The following SPOCK3 variants were observed in gnomAD, a reference collection of about 807,000 sequenced individuals.
The protein encoded by SPOCK3 is SPARC (osteonectin), cwcv and kazal like domains proteoglycan 3.
SPOCK3 carries 30 observed loss-of-function variants against 56.6 expected under a neutral mutation model. That is an observed-to-expected ratio of 0.53 (90% CI 0.40 to 0.72). The LOEUF is 0.72. Ranked by LOEUF, SPOCK3 falls within the 30% of genes least tolerant of loss-of-function variation. The probability of loss-of-function intolerance (pLI) is 0.00; values close to 1 mark genes in which losing one functional copy is unlikely to be tolerated. For synonymous variants in SPOCK3, 196 were observed against 183.3 expected (o/e 1.07, Z -0.56); for missense variants, 527 against 530.0 (o/e 0.99, Z 0.06).
At chr4:167,205,575 A>AT (rs1261178646) in intron 2 of SPOCK3, among the ~76,000 whole-genome samples, 6 of 86,200 alleles carry the variant, frequency 7.0e-5, no homozygotes, top group African/African-American at 2.8e-4. Flanking sequence ...TTATATATAT[A>AT]ATATAATATA....
At position 166,840,862 on chromosome 4, in the gene SPOCK3, T is replaced by C. The variant is rs150861066; in HGVS notation, c.589+48268A>G. On this transcript the variant is annotated intron_variant, in intron 6 of 10. Transcript: ENST00000357545. The stretch of plus-strand genomic sequence containing the variant: ...GGCGCAATCTCGGGTCACTGCAAGG[T>C]CCGCCTCCCGGGTTCATGCCATTCT... Among the ~76,000 whole-genome samples, 546 of 139,880 alleles carry C rather than the reference T, an allele frequency of 3.9e-3. 4 individuals carry two copies. Among genetic ancestry groups the C allele is most frequent in the African/African-American group, 0.014 (506 of 36,800 alleles). The allele number at this position is 139,880 out of a possible 152,430, so 91.8% of individuals were successfully genotyped here. A position where few individuals can be genotyped will look rare whatever the true frequency, so the allele number is the denominator to read the frequency against.
chr4:166,966,118 C>A (rs898179355), intron 4 of SPOCK3, among the ~76,000 whole-genome samples: 5 of 152,106 alleles, frequency 3.3e-5, no homozygotes, highest in Admixed American at 3.3e-4. Flanking sequence ...GCTTCTTTCA[C>A]TTAGTAATGT....
intron 6 of SPOCK3, among the ~76,000 whole-genome samples, chr4:166,864,705 A>G (rs1027329341): frequency 1.3e-5 from 2 of 152,142 alleles, no homozygotes; most frequent in African/African-American, 4.8e-5. Flanking sequence ...ATTCCTGCAC[A>G]CATACAACCT....
chr4:167,144,399 G>A (rs1434390080), intron 2 of SPOCK3, among the ~76,000 whole-genome samples: 1 of 151,666 alleles, frequency 6.6e-6, no homozygotes, highest in African/African-American at 2.4e-5. Context: ...AATTTCAAGT[G>A]CTTAATGTCT....
chr4:167,093,039 T>G (rs1758839752), intron 2 of SPOCK3, among the ~76,000 whole-genome samples: 1 of 152,194 alleles, frequency 6.6e-6, no homozygotes, highest in Non-Finnish European at 1.5e-5. Context: ...AATGATTAAG[T>G]GGTTAATTTT....
At chr4:166,971,873 G>A (rs751759870) in intron 4 of SPOCK3, among the ~76,000 whole-genome samples, 14 of 152,040 alleles carry the variant, frequency 9.2e-5, no homozygotes, top group Non-Finnish European at 1.8e-4. Flanking sequence ...AAGGAAACAT[G>A]CCAAAATATT....
At chr4:166,900,345 G>A (rs576535240) in intron 5 of SPOCK3, among the ~76,000 whole-genome samples, 2 of 152,064 alleles carry the variant, frequency 1.3e-5, no homozygotes, top group African/African-American at 4.8e-5. Context: ...TGGGCATTGG[G>A]ATTGGCTCTT....
intron 6 of SPOCK3, among the ~76,000 whole-genome samples, chr4:166,810,386 TAC>T (rs1242490573): frequency 6.6e-6 from 1 of 152,122 alleles, no homozygotes; most frequent in Non-Finnish European, 1.5e-5. Flanking sequence ...TGCTAGACAT[TAC>T]AGAGTGTGTC....
intron 5 of SPOCK3, among the ~76,000 whole-genome samples, chr4:166,903,536 C>T (rs1736288781): frequency 6.6e-6 from 1 of 152,078 alleles, no homozygotes; most frequent in African/African-American, 2.4e-5. Context: ...GGAGGCACAG[C>T]TGTTCAGAGG....
chr4:166,832,312 A>C lies in SPOCK3; in HGVS notation c.590-40023T>G, dbSNP rs550191915. On this transcript the variant is annotated intron_variant, in intron 6 of 10. Transcript: ENST00000357545. ...TTTCTTCTGAATATGGCTAGCCAGC[A>C]ATGAAATGCCCAAGATCAGAGAAAT... is the stretch of plus-strand genomic sequence containing the variant. Among the ~76,000 whole-genome samples the C allele has an allele frequency of 3.9e-5, 6 of 152,080 alleles. No homozygotes were observed. In the East Asian group the frequency reaches 1.2e-3, roughly 30 times the overall value.
intron 5 of SPOCK3, among the ~76,000 whole-genome samples, chr4:166,899,616 C>T (rs961701842): frequency 2.0e-5 from 3 of 149,590 alleles, no homozygotes; most frequent in African/African-American, 7.4e-5. Context: ...AAGCGATTCT[C>T]CTGCCTCAGC....
intron 2 of SPOCK3, among the ~76,000 whole-genome samples, chr4:167,125,509 T>C (rs1441353311): frequency 1.4e-4 from 21 of 150,936 alleles, no homozygotes; most frequent in Admixed American, 3.3e-4. Flanking sequence ...GTCAGGAGAT[T>C]GAGACCATCC....
chr4:167,023,296 T>C (rs1298506455), intron 3 of SPOCK3, among the ~76,000 whole-genome samples: 1 of 151,960 alleles, frequency 6.6e-6, no homozygotes, highest in Non-Finnish European at 1.5e-5. Context: ...GACTTATTGA[T>C]AGCCATGGGT....
chr4:167,199,310 C>T lies in SPOCK3; in HGVS notation c.189+34675G>A, dbSNP rs190378950. Reference sequence around the variant, plus strand: ...CAGACACCTCTTCAGGTATCTGATTCCCCAGCTGTGAGGTGTGTTAGCTGC... The same window carrying T: ...CAGACACCTCTTCAGGTATCTGATTTCCCAGCTGTGAGGTGTGTTAGCTGC... On this transcript the variant is annotated intron_variant, in intron 2 of 10. Transcript: ENST00000357545. Among the ~76,000 whole-genome samples the T allele has an allele frequency of 1.7e-3, 256 of 151,422 alleles. 1 individual carries two copies. Among genetic ancestry groups the T allele is most frequent in the African/African-American group, 5.9e-3 (244 of 41,268 alleles).
chr4:167,215,601 C>A (rs115547305), intron 2 of SPOCK3, among the ~76,000 whole-genome samples: 127 of 152,148 alleles, frequency 8.3e-4, no homozygotes, highest in African/African-American at 2.9e-3. Context: ...ATAGGTGATA[C>A]CTGATTTGTG....
At chr4:167,190,266 C>A (rs995121188) in intron 2 of SPOCK3, among the ~76,000 whole-genome samples, 1 of 145,668 alleles carries the variant, frequency 6.9e-6, no homozygotes, top group Non-Finnish European at 1.5e-5. Flanking sequence ...CTTTTTGACA[C>A]CCTCACCAAC....
chr4:166,937,979 C>T (rs899952079), intron 4 of SPOCK3, among the ~76,000 whole-genome samples: 6 of 148,762 alleles, frequency 4.0e-5, no homozygotes, highest in South Asian at 2.1e-4. Flanking sequence ...AGGGTTTCAC[C>T]GTGTTAGCCA....
intron 7 of SPOCK3, among the ~76,000 whole-genome samples, chr4:166,787,653 G>C (rs1740876718): frequency 6.6e-6 from 1 of 152,064 alleles, no homozygotes; most frequent in Admixed American, 6.6e-5. Flanking sequence ...ATTAGGCATA[G>C]GGTTACTAAG....
chr4:167,233,956 G>A, intron 2 of SPOCK3, 29 bp downstream of exon 2: 1 of 1,597,906 alleles, frequency 6.3e-7, no homozygotes. Flanking sequence ...GCGCGCGTGT[G>A]CCCGGGGATG....
Sources: allele counts gnomAD v4.1 joint callset (sites outside exome capture counted in the v4.1 genomes callset), GRCh38; gene constraint gnomAD v4.1.1; transcripts MANE v1.5; gene names NCBI Gene and HGNC (gene_info 2026-07-23, HGNC 2026-07-21).